The following NAV2 variants were observed in gnomAD, a reference collection of about 807,000 sequenced individuals.
NAV2 encodes the protein helicase, APC down-regulated 1.
In NAV2, 54 loss-of-function variants were observed where a neutral mutation model predicts 223.2. The ratio of observed to expected loss-of-function variants is 0.24; its 90% CI spans 0.19 to 0.30. NAV2 has a LOEUF of 0.30. NAV2 is among the 10% of genes least tolerant of loss of function. NAV2 has a pLI of 1.00. For synonymous variants in NAV2, 1,279 were observed against 1,239.3 expected, an observed-to-expected ratio of 1.03 and a Z score of -0.67; for missense variants, 2,806 against 3,147.5, an observed-to-expected ratio of 0.89 and a Z score of 2.60.
At chr11:19,404,696 CACTA>C (rs1488756125) in intron 1 of NAV2, among the ~76,000 whole-genome samples, 2 of 152,088 alleles carry the variant, frequency 1.3e-5, no homozygotes, top group Non-Finnish European at 2.9e-5. Context: ...TCTCAGAAAA[CACTA>C]ACTCTTAATT....
chr11:19,477,423 C>T (rs1180849876), intron 1 of NAV2, among the ~76,000 whole-genome samples: 1 of 152,178 alleles, frequency 6.6e-6, no homozygotes, highest in Non-Finnish European at 1.5e-5. Context: ...GATTACTGCC[C>T]TCTGAGGTAT....
At chr11:19,758,880 C>G (rs1308282602) in intron 1 of NAV2, among the ~76,000 whole-genome samples, 1 of 152,118 alleles carries the variant, frequency 6.6e-6, no homozygotes, top group African/African-American at 2.4e-5. Flanking sequence ...ACTGCTTCTG[C>G]CCTTTTCCAC....
At chr11:20,038,656 A>G (rs1286653443) in intron 12 of NAV2, among the ~76,000 whole-genome samples, 1 of 152,188 alleles carries the variant, frequency 6.6e-6, no homozygotes, top group African/African-American at 2.4e-5. Context: ...TGCGCCTTCT[A>G]TGCTGTGGCT....
At chr11:19,396,420 C>G (rs1045186123) in intron 1 of NAV2, among the ~76,000 whole-genome samples, 2 of 152,124 alleles carry the variant, frequency 1.3e-5, no homozygotes, top group African/African-American at 4.8e-5. Context: ...AACATACAAC[C>G]CATGAGGGTG....
At chr11:19,587,033 G>A (rs1036996255) in intron 1 of NAV2, among the ~76,000 whole-genome samples, 6 of 152,232 alleles carry the variant, frequency 3.9e-5, no homozygotes, top group Admixed American at 6.5e-5. Context: ...CACCCAGTTC[G>A]AGCTTCACGG....
intron 1 of NAV2, among the ~76,000 whole-genome samples, chr11:19,423,355 G>T (rs186721605): frequency 6.6e-6 from 1 of 152,216 alleles, no homozygotes; most frequent in Non-Finnish European, 1.5e-5. Flanking sequence ...TCTACAGATG[G>T]TCATGGACTA....
At chr11:19,612,202 G>A (rs1402034899) in intron 1 of NAV2, among the ~76,000 whole-genome samples, 1 of 152,240 alleles carries the variant, frequency 6.6e-6, no homozygotes, top group Non-Finnish European at 1.5e-5. Flanking sequence ...ACACAGCACA[G>A]GAACCCTGGG....
chr11:20,033,978 C>A (rs900809932), intron 11 of NAV2, among the ~76,000 whole-genome samples: 4 of 152,176 alleles, frequency 2.6e-5, no homozygotes, highest in Non-Finnish European at 5.9e-5. Context: ...TCAGACCTGC[C>A]ACTCCTGGCT....
chr11:19,545,056 G>A (rs560398476), intron 1 of NAV2, among the ~76,000 whole-genome samples: 4 of 152,320 alleles, frequency 2.6e-5, no homozygotes, highest in Admixed American at 2.6e-4. Context: ...TTGGAGTTGA[G>A]CAGTTGCCTT....
At chr11:19,904,671 A>G (rs1565530525) in intron 6 of NAV2, among the ~76,000 whole-genome samples, 1 of 152,152 alleles carries the variant, frequency 6.6e-6, no homozygotes, top group Non-Finnish European at 1.5e-5. Context: ...CTCTCTGGAC[A>G]TAGGGAGTAA....
intron 1 of NAV2, among the ~76,000 whole-genome samples, chr11:19,775,919 T>G (rs2152630139): frequency 6.6e-6 from 1 of 152,288 alleles, no homozygotes; most frequent in East Asian, 1.9e-4. Context: ...AGAAGAGAGC[T>G]GGGATTTTTA....
chr11:19,992,767 G>T (rs2051469477), intron 11 of NAV2, among the ~76,000 whole-genome samples: 1 of 151,768 alleles, frequency 6.6e-6, no homozygotes, highest in Non-Finnish European at 1.5e-5. Flanking sequence ...TTTTGTTGTT[G>T]CTTTTTGGTA....
intron 1 of NAV2, among the ~76,000 whole-genome samples, chr11:19,475,589 C>A (rs2042090317): frequency 6.6e-6 from 1 of 152,176 alleles, no homozygotes; most frequent in African/African-American, 2.4e-5. Context: ...CCGCTGCTGT[C>A]CCAATTTATC....
chr11:20,090,313 G>A (rs2060751126), intron 26 of NAV2, among the ~76,000 whole-genome samples: 1 of 152,228 alleles, frequency 6.6e-6, no homozygotes, highest in South Asian at 2.1e-4. Context: ...ACATGGTGGG[G>A]GAGGGGGTTA....
At chr11:19,868,775 G>A in intron 3 of NAV2, 150 bp from the exon 4 acceptor site, 1 of 672,218 alleles carries the variant, frequency 1.5e-6, no homozygotes, top group Admixed American at 2.7e-5. Context: ...CCTTTTTCCT[G>A]TGCAAGTACA....
chr11:19,426,572 T>A (rs927502201), intron 1 of NAV2, among the ~76,000 whole-genome samples: 1 of 152,224 alleles, frequency 6.6e-6, no homozygotes, highest in African/African-American at 2.4e-5. Flanking sequence ...TCAGCAGGAA[T>A]CCTAGTCTCT....
chr11:19,576,382 G>A (rs1315271718), intron 1 of NAV2, among the ~76,000 whole-genome samples: 1 of 152,180 alleles, frequency 6.6e-6, no homozygotes, highest in Non-Finnish European at 1.5e-5. Context: ...GAAACCACTC[G>A]CTTCTTACTC....
At chr11:19,673,991 C>G (rs533544568) in intron 1 of NAV2, among the ~76,000 whole-genome samples, 4 of 152,308 alleles carry the variant, frequency 2.6e-5, no homozygotes, top group South Asian at 4.2e-4. Flanking sequence ...GCTGAGCCAG[C>G]CTTTTATGGC....
chr11:19,952,288 C>A, intron 10 of NAV2, among the ~76,000 whole-genome samples: 1 of 152,122 alleles, frequency 6.6e-6, no homozygotes, highest in South Asian at 2.1e-4. Context: ...GGGCTTAAAC[C>A]CTCCCCAACC....
Sources: allele counts gnomAD v4.1 joint callset (sites outside exome capture counted in the v4.1 genomes callset), GRCh38; gene constraint gnomAD v4.1.1; transcripts MANE v1.5; gene names NCBI Gene and HGNC (gene_info 2026-07-23, HGNC 2026-07-21).